Variants in NIPBL observed in about 807,000 individuals in gnomAD.
The protein encoded by NIPBL is nipped-B-like protein.
A neutral mutation model predicts 321.8 loss-of-function variants in NIPBL; 19 were observed. The ratio of observed to expected loss-of-function variants is 0.06; its 90% CI spans 0.04 to 0.09. NIPBL has a LOEUF of 0.09. Among genes scored for constraint, NIPBL ranks in the 10% least tolerant of loss-of-function variants. The pLI is 1.00. For missense variants in NIPBL, 2,210 were observed against 3,327.0 expected (o/e 0.66, Z 8.26); for synonymous variants, 1,106 against 1,114.1 (o/e 0.99, Z 0.14).
intron 1 of NIPBL, among the ~76,000 whole-genome samples, chr5:36,932,473 T>G (rs1749848458): frequency 6.6e-6 from 1 of 152,196 alleles, no homozygotes. Context: ...TCTTCAAGTC[T>G]GTTTCATCTG....
Position 37,000,445 on chromosome 5 carries a change from G to C in NIPBL, c.3377G>C (p.Gly1126Ala), listed in dbSNP as rs751266555. ...EYEERDRRSS[G>A]DHRRSGHSHE... ...GAAGAGCGTGACAGAAGAAGCTCTG[G>C]GGATCATAGGAGAAGTGGCCACTCT... The change falls in exon 12 of 47, where the codon GGG becomes GCG. Residue 1126 changes from glycine (G) to alanine (A), a missense_variant. Around this residue, in one of 14 missense-constraint regions of NIPBL, gnomAD observed 381 missense variants for 642.3 expected, o/e 0.59. Coordinates refer to ENST00000282516, the MANE Select transcript of NIPBL (RefSeq NM_133433.4). 1.2e-6 allele frequency: 2 copies of C among 1,613,302 alleles called. No homozygotes were observed. Among genetic ancestry groups the C allele is most frequent in the Non-Finnish European group, 1.7e-6 (2 of 1,179,548 alleles).
chr5:37,014,200 A>AGAGAGG (rs1491484424), intron 21 of NIPBL, among the ~76,000 whole-genome samples: 16 of 151,752 alleles, frequency 1.1e-4, no homozygotes, highest in African/African-American at 3.6e-4. Context: ...GACCGTGGAA[A>AGAGAGG]GAGAGGGAGA....
intron 1 of NIPBL, among the ~76,000 whole-genome samples, chr5:36,884,585 C>G (rs989631585): frequency 2.0e-5 from 3 of 152,180 alleles, no homozygotes; most frequent in African/African-American, 7.2e-5. Context: ...GTCAGCCATA[C>G]TCAACCATCA....
Position 36,955,586 on chromosome 5 carries a change from A to G in NIPBL, c.179A>G (p.Asn60Ser), listed in dbSNP as rs142703446. 1.3e-4 allele frequency: 212 copies of G among 1,614,080 alleles called. No individual in the cohort carries two copies. Among genetic ancestry groups the G allele is most frequent in the Middle Eastern group, 9.9e-4 (6 of 6,060 alleles). Reference sequence around the variant, plus strand: ...TGCCTTTTGGCTTGTAGGGATGACAATTTGGTTTCACAGCTTGTCCATAGC... The same window carrying G: ...TGCCTTTTGGCTTGTAGGGATGACAGTTTGGTTTCACAGCTTGTCCATAGC... ...VNCLLACRDD[N>S]LVSQLVHSLN... is the part of the protein sequence containing the mutation. Residue 60 changes from asparagine to serine, a missense_variant, in exon 3 of 47, where the codon AAT becomes AGT. By Grantham distance (46) the Asn-to-Ser change is conservative. This residue lies in a region of NIPBL where 464 missense variants were observed against 529.5 expected (regional missense o/e 0.88). Transcript: ENST00000282516.
chr5:37,017,895 T>C (rs956346838), intron 24 of NIPBL, among the ~76,000 whole-genome samples: 2 of 152,232 alleles, frequency 1.3e-5, no homozygotes, highest in African/African-American at 4.8e-5. Flanking sequence ...TTTACAAAAT[T>C]TCCTTTCTCA....
Position 37,066,292 on chromosome 5 carries a change from T to C in NIPBL, c.*1400T>C, listed in dbSNP as rs1755334191. On this transcript the variant is annotated 3_prime_UTR_variant, in exon 47 of 47. Transcript: ENST00000282516. ...TTATTTTTAAATCACTTTGAAAAAA[T>C]TGACCTCCAGAATGCTGTTTTATGA... 6.6e-6 allele frequency: 1 copy of C among 152,252 alleles called. No homozygotes were observed. Among genetic ancestry groups the C allele is most frequent in the East Asian group, 1.9e-4 (1 of 5,186 alleles). The allele number at this position is 152,252 out of a possible 1,614,324, so 9.4% of individuals were successfully genotyped here.
At chr5:36,885,364 C>T in intron 1 of NIPBL, 1 of 461,602 alleles carries the variant, frequency 2.2e-6, no homozygotes, top group Non-Finnish European at 4.2e-6. Context: ...GTTCCACCAG[C>T]TTCCGCGGCG....
At chr5:36,917,993 T>C (rs923352252) in intron 1 of NIPBL, among the ~76,000 whole-genome samples, 30 of 152,226 alleles carry the variant, frequency 2.0e-4, no homozygotes, top group Admixed American at 6.5e-4. Context: ...CTTAGGATTG[T>C]CTTGGCAATG....
In NIPBL at chr5:37,064,793, T is replaced by A. The variant is rs1446565425; in HGVS notation, c.8316T>A (p.Ile2772=). ...ACACTATTAAAGAGTCAGACATTAT[T>A]TACAAAAAAATTGCTCTAACGAGTG... The part of the protein sequence containing the change: ...WVDTIKESDI[I]YKKIALTSAN... Residue 2772 remains isoleucine (I), a synonymous_variant, in exon 47 of 47, where the codon ATT becomes ATA. Transcript: ENST00000282516. The A allele has an allele frequency of 2.4e-5, 38 of 1,614,030 alleles. No homozygotes were observed. Among genetic ancestry groups the A allele is most frequent in the Non-Finnish European group, 3.1e-5 (37 of 1,180,024 alleles).
intron 21 of NIPBL, among the ~76,000 whole-genome samples, chr5:37,011,382 C>CT (rs949183545): frequency 1.3e-5 from 2 of 152,122 alleles, no homozygotes; most frequent in Non-Finnish European, 2.9e-5. Flanking sequence ...TGACAAAACT[C>CT]TGTCTCTACA....
intron 30 of NIPBL, 80 bp downstream of exon 30, chr5:37,024,799 T>A (rs181732644): frequency 9.1e-7 from 1 of 1,093,336 alleles, no homozygotes; most frequent in East Asian, 2.6e-5. Flanking sequence ...ATGTTGATTT[T>A]AAATATATCC....
At chr5:36,892,223 C>T (rs1295537014) in intron 1 of NIPBL, among the ~76,000 whole-genome samples, 1 of 152,074 alleles carries the variant, frequency 6.6e-6, no homozygotes, top group Non-Finnish European at 1.5e-5. Context: ...AAATGCAAAT[C>T]AAAACTGCAA....
chr5:36,961,614 T>C (rs1395668967), intron 5 of NIPBL, 31 bp downstream of exon 5: 8 of 1,254,812 alleles, frequency 6.4e-6, no homozygotes, highest in Non-Finnish European at 9.4e-6. Flanking sequence ...TTATTAAATA[T>C]TGTCTTGTAT....
chr5:36,964,686 C>T (rs1212105698), intron 6 of NIPBL, among the ~76,000 whole-genome samples: 1 of 151,958 alleles, frequency 6.6e-6, no homozygotes, highest in Non-Finnish European at 1.5e-5. Context: ...AATGGGATTA[C>T]GTCAAGCTAA....
chr5:36,995,858 G>A, intron 11 of NIPBL, 54 bp downstream of exon 11: 1 of 1,495,680 alleles, frequency 6.7e-7, no homozygotes. Context: ...GCAGGTTGAT[G>A]TGTTTTTCTC....
intron 1 of NIPBL, among the ~76,000 whole-genome samples, chr5:36,911,440 G>T (rs1163193756): frequency 6.6e-6 from 1 of 152,164 alleles, no homozygotes; most frequent in Non-Finnish European, 1.5e-5. Context: ...GCCACTTCCT[G>T]TAGGAAATAT....
chr5:36,896,479 G>A (rs933185141), intron 1 of NIPBL, among the ~76,000 whole-genome samples: 3 of 152,158 alleles, frequency 2.0e-5, no homozygotes, highest in South Asian at 2.1e-4. Context: ...AATTTTGATA[G>A]GGGTCGTATT....
rs1482566560 is a variant in NIPBL at position 37,065,805 on chromosome 5, A to G, written c.*913A>G. 2.0e-5 allele frequency: 3 copies of G among 152,636 alleles called. No individual in the cohort carries two copies. The highest frequency in any genetic ancestry group is 7.2e-5 in the African/African-American group (3 of 41,458). The allele number at this position is 152,636 out of a possible 1,614,324, so 9.5% of individuals were successfully genotyped here. On this transcript the variant is annotated 3_prime_UTR_variant, in exon 47 of 47. Transcript: ENST00000282516. ...TTCAAGAGTACATTTTGATATAAAA[A>G]GAAACTATAGTTTATTCCTTGTATG...
At chr5:37,058,304 T>G (rs1050280096) in intron 43 of NIPBL, among the ~76,000 whole-genome samples, 3 of 152,232 alleles carry the variant, frequency 2.0e-5, no homozygotes, top group African/African-American at 7.2e-5. Flanking sequence ...TATGGCTATC[T>G]TTGTAAATGT....
Sources: gnomAD v4.1 joint callset for allele counts (sites outside exome capture counted in the v4.1 genomes callset) on GRCh38, gnomAD v4.1.1 for gene constraint, gnomAD v4.1.1 regional missense constraint, MANE v1.5 for transcripts, NCBI Gene and HGNC (gene_info 2026-07-23, HGNC 2026-07-21) for gene names.